SHROOM3: variants seen among roughly 807,000 people sequenced by gnomAD.
The protein encoded by SHROOM3 is protein Shroom3.
SHROOM3 carries 47 observed loss-of-function variants against 138.6 expected under a neutral mutation model. The ratio of observed to expected loss-of-function variants is 0.34; its 90% CI spans 0.27 to 0.43. The LOEUF (loss-of-function observed/expected upper bound fraction) is 0.43, where lower values mean the gene tolerates loss of function less well. SHROOM3 is among the 20% of genes least tolerant of loss of function. The probability of loss-of-function intolerance (pLI) is 1.00; values close to 1 mark genes in which losing one functional copy is unlikely to be tolerated. For missense variants in SHROOM3, 2,491 were observed against 2,596.5 expected (o/e 0.96, Z 0.88); for synonymous variants, 1,062 against 1,063.3 (o/e 1.00, Z 0.02).
chr4:76,653,056 A>C lies in SHROOM3; in HGVS notation c.324-57100A>C, dbSNP rs531524724. ...TTTACAGTCTAACTTCAAAGCTAGA[A>C]CTGATCTCCCTTAAGTCTGAGGCTA... On this transcript the variant is annotated intron_variant, in intron 2 of 10. Coordinates refer to ENST00000296043, the MANE Select transcript of SHROOM3 (RefSeq NM_020859.4). Among the ~76,000 whole-genome samples the C allele has an allele frequency of 2.6e-5, 4 of 152,170 alleles. No individual in the cohort carries two copies. In the South Asian group the frequency reaches 6.2e-4, roughly 24 times the overall value.
intron 1 of SHROOM3, among the ~76,000 whole-genome samples, chr4:76,496,256 C>A (rs571225526): frequency 6.6e-6 from 1 of 152,294 alleles, no homozygotes; most frequent in East Asian, 1.9e-4. Flanking sequence ...GATGGGCCAT[C>A]CTCTTGGACA....
intron 1 of SHROOM3, among the ~76,000 whole-genome samples, chr4:76,457,527 C>T (rs558777779): frequency 6.6e-6 from 1 of 150,662 alleles, no homozygotes; most frequent in Non-Finnish European, 1.5e-5. Flanking sequence ...GAGTCTCGCT[C>T]TGTCTCCAGG....
In SHROOM3 at chr4:76,547,483, G is replaced by T. The variant is rs565115893; in HGVS notation, c.169-8126G>T. On this transcript the variant is annotated intron_variant, in intron 1 of 10. Transcript: ENST00000296043. ...GGTTGCAATCATGATGATAATTAAT[G>T]TATCTATGCAATAAATAGTGGGCAC... Among the ~76,000 whole-genome samples, 237 of 152,300 alleles carry T rather than the reference G, an allele frequency of 1.6e-3. 1 individual carries two copies. Among genetic ancestry groups the T allele is most frequent in the Middle Eastern group, 6.8e-3 (2 of 294 alleles).
At chr4:76,598,412 T>C (rs1249064924) in intron 2 of SHROOM3, among the ~76,000 whole-genome samples, 1 of 152,216 alleles carries the variant, frequency 6.6e-6, no homozygotes, top group South Asian at 2.1e-4. Context: ...GGAGGATGAT[T>C]GTCTTGATCT....
chr4:76,661,234 C>CT (rs912334272), intron 2 of SHROOM3, among the ~76,000 whole-genome samples: 128 of 145,908 alleles, frequency 8.8e-4, no homozygotes, highest in East Asian at 2.2e-3. Flanking sequence ...AATCCATTTT[C>CT]TTTTTTTTTT....
intron 1 of SHROOM3, among the ~76,000 whole-genome samples, chr4:76,536,435 G>T (rs976976641): frequency 2.0e-5 from 3 of 152,064 alleles, no homozygotes; most frequent in Admixed American, 6.5e-5. Context: ...TTTGAATTTT[G>T]TAATAGGCAT....
chr4:76,467,380 G>A (rs1036158689), intron 1 of SHROOM3, among the ~76,000 whole-genome samples: 1 of 152,040 alleles, frequency 6.6e-6, no homozygotes, highest in Admixed American at 6.6e-5. Flanking sequence ...AGTAAACTGA[G>A]GCTTAGATAA....
At chr4:76,503,699 G>A (rs561298373) in intron 1 of SHROOM3, among the ~76,000 whole-genome samples, 6 of 152,282 alleles carry the variant, frequency 3.9e-5, no homozygotes, top group African/African-American at 1.4e-4. Flanking sequence ...AAAGTGCTGG[G>A]ATTACAGGTG....
chr4:76,754,405 G>A lies in SHROOM3; in HGVS notation c.3922G>A (p.Gly1308Ser). 3 of 1,614,160 alleles carry A rather than the reference G, an allele frequency of 1.9e-6. No individual in the cohort carries two copies. Among genetic ancestry groups the A allele is most frequent in the Non-Finnish European group, 2.5e-6 (3 of 1,180,016 alleles). The change falls in exon 7 of 11, where the codon GGT (glycine) becomes AGT (serine). Residue 1308 changes from glycine (G) to serine (S), a missense_variant. Physicochemically the swap from Gly to Ser is moderately conservative, Grantham distance 56. Around this residue, in one of 4 missense-constraint regions of SHROOM3, gnomAD observed 1,733 missense variants for 1,661.6 expected, o/e 1.04. Transcript: ENST00000296043. Reference sequence around the variant, plus strand: ...GGGTGGTTCAGGCTGCAAAGCCATTGGTGATTCCTCCGTTCCTAGTGAATG... The same window carrying A: ...GGGTGGTTCAGGCTGCAAAGCCATTAGTGATTCCTCCGTTCCTAGTGAATG... ...RWGGSGCKAI[G>S]DSSVPSECPG...
intron 1 of SHROOM3, among the ~76,000 whole-genome samples, chr4:76,548,781 T>C (rs1480453234): frequency 2.0e-5 from 3 of 152,184 alleles, no homozygotes; most frequent in African/African-American, 4.8e-5. Flanking sequence ...TGTGGGTATA[T>C]TTAGGATTTG....
intron 9 of SHROOM3, among the ~76,000 whole-genome samples, chr4:76,761,030 T>G (rs79417180): frequency 6.6e-6 from 1 of 151,228 alleles, no homozygotes; most frequent in Non-Finnish European, 1.5e-5. Context: ...TTTTTAAGTG[T>G]TTTTTTTTCT....
chr4:76,764,403 A>G (rs1722082822), intron 9 of SHROOM3, among the ~76,000 whole-genome samples: 1 of 152,226 alleles, frequency 6.6e-6, no homozygotes, highest in Non-Finnish European at 1.5e-5. Context: ...AAAGGAATCT[A>G]TTGTTCCTCT....
At chr4:76,624,365 A>G (rs1421497393) in intron 2 of SHROOM3, among the ~76,000 whole-genome samples, 2 of 152,092 alleles carry the variant, frequency 1.3e-5, no homozygotes, top group Admixed American at 6.6e-5. Flanking sequence ...GCTGTTGTCT[A>G]CAAAAGACAG....
intron 10 of SHROOM3, among the ~76,000 whole-genome samples, chr4:76,777,993 T>C (rs1722624107): frequency 6.6e-6 from 1 of 152,182 alleles, no homozygotes; most frequent in Admixed American, 6.5e-5. Context: ...ATCTCATTGC[T>C]ATTATGGATT....
intron 1 of SHROOM3, 112 bp from the exon 2 acceptor site, chr4:76,555,497 C>G (rs2110029544): frequency 1.3e-6 from 2 of 1,505,452 alleles, no homozygotes; most frequent in East Asian, 4.7e-5. Context: ...GGGTGTGGCC[C>G]TAGCTGGTCC....
Position 76,749,036 on chromosome 4 carries a change from A to C in SHROOM3, c.3773A>C (p.Asp1258Ala). The C allele has an allele frequency of 6.2e-7, 1 of 1,613,980 alleles. No homozygotes were observed. The highest frequency in any genetic ancestry group is 8.5e-7 in the Non-Finnish European group (1 of 1,179,944). The change falls in exon 6 of 11, where the codon GAC becomes GCC. Residue 1258 changes from aspartate (D) to alanine (A), a missense_variant. This residue lies in a region of SHROOM3 where 1,733 missense variants were observed against 1,661.6 expected (regional missense o/e 1.04). Transcript: ENST00000296043. ...TTCAAGGATGTGCTTTTGGGGCAAG[A>C]CAGTGGCTTTGGTCTTGTGAAGGAT... is the stretch of plus-strand genomic sequence containing the variant. The part of the protein sequence containing the change: ...DKRQDVLLGQ[D>A]SGFGLVKDPC...
chr4:76,585,670 G>A (rs1374670840), intron 2 of SHROOM3, among the ~76,000 whole-genome samples: 2 of 152,128 alleles, frequency 1.3e-5, no homozygotes, highest in African/African-American at 4.8e-5. Flanking sequence ...TGGTGTTGTT[G>A]TTTTGTCTTT....
intron 2 of SHROOM3, among the ~76,000 whole-genome samples, chr4:76,594,578 A>C (rs1734343385): frequency 6.6e-6 from 1 of 152,218 alleles, no homozygotes; most frequent in African/African-American, 2.4e-5. Flanking sequence ...CAGTGTTTGA[A>C]CCAGTGTCAA....
rs559607917 is a variant in SHROOM3, at chr4:76,647,845, G to A, written c.324-62311G>A. Among the ~76,000 whole-genome samples, 3 of 152,000 alleles carry A rather than the reference G, an allele frequency of 2.0e-5. No individual in the cohort carries two copies. In the South Asian group the frequency reaches 6.2e-4, roughly 32 times the overall value. On this transcript the variant is annotated intron_variant, in intron 2 of 10. Coordinates refer to ENST00000296043, the MANE Select transcript of SHROOM3 (RefSeq NM_020859.4). ...CTGGAGGTTGAGTCTGTGGTGAGCA[G>A]TGATCATGTACAAGCTGCACCCCAG...
Sources: allele counts gnomAD v4.1 joint callset (sites outside exome capture counted in the v4.1 genomes callset), GRCh38; gene constraint gnomAD v4.1.1; regional missense constraint gnomAD v4.1.1; transcripts MANE v1.5; gene names NCBI Gene and HGNC (gene_info 2026-07-23, HGNC 2026-07-21).